TRAF3IP2: variants seen among roughly 807,000 people sequenced by gnomAD.
The protein encoded by TRAF3IP2 is TRAF3 interacting protein 2, also known as E3 ubiquitin ligase TRAF3IP2.
A neutral mutation model predicts 57.9 loss-of-function variants in TRAF3IP2; 35 were observed. The observed-to-expected ratio is 0.60, with a 90% CI of 0.46 to 0.80. The LOEUF is 0.80. Ranked by LOEUF, TRAF3IP2 falls within the 30% of genes least tolerant of loss-of-function variation. TRAF3IP2 has a pLI of 0.00. For missense variants in TRAF3IP2, 556 were observed against 706.4 expected (o/e 0.79, Z 2.41); for synonymous variants, 251 against 268.9 (o/e 0.93, Z 0.65).
rs770211356 is a variant in TRAF3IP2, at chr6:111,591,588, A to G, written c.499T>C (p.Ser167Pro). The change falls in exon 2 of 9, where the codon TCA becomes CCA. Residue 167 changes from serine to proline, a missense_variant. Coordinates refer to ENST00000368761, the MANE Select transcript of TRAF3IP2 (RefSeq NM_147686.4). The surrounding 1 kb of genome is among the most constrained non-coding windows in gnomAD (Gnocchi z 4.9). ...TGGCTACCGCCCAAGGAGTCTGCTG[A>G]GGCATTAGGTAAACTTTGGTCTGAT... Reference protein sequence around the residue: ...DKSDQSLPNASADSLGGSQEM... With the variant: ...DKSDQSLPNAPADSLGGSQEM... 1.9e-6 allele frequency: 3 copies of G among 1,614,184 alleles called. No individual in the cohort carries two copies. Among genetic ancestry groups the G allele is most frequent in the Non-Finnish European group, 2.5e-6 (3 of 1,180,016 alleles).
intron 1 of TRAF3IP2, among the ~76,000 whole-genome samples, chr6:111,595,690 T>C (rs1303536445): frequency 3.3e-5 from 5 of 152,028 alleles, no homozygotes; most frequent in African/African-American, 4.8e-5. Context: ...TAGCCGGGCA[T>C]GATGGCAGGC....
chr6:111,604,913 G>A (rs74540917), intron 1 of TRAF3IP2, among the ~76,000 whole-genome samples: 6,586 of 152,086 alleles, frequency 0.043, 496 homozygotes, highest in African/African-American at 0.15. Flanking sequence ...TTTTATAAGG[G>A]AATTTGACAC....
rs35611810 is a variant in TRAF3IP2 at position 111,605,087 on chromosome 6, T to TAA, written c.-9+687_-9+688dup. Among the ~76,000 whole-genome samples, 604 of 148,420 alleles carry TAA rather than the reference T, an allele frequency of 4.1e-3. 6 individuals are homozygous for TAA. The highest frequency in any genetic ancestry group is 0.031 in the East Asian group (160 of 5,084). On this transcript the variant is annotated intron_variant, in intron 1 of 8. Coordinates refer to ENST00000368761, the MANE Select transcript of TRAF3IP2 (RefSeq NM_147686.4). ...TTGGCCTCTTGTTCTCCTGTTCCTT[T>TAA]AAAAAAAAAAAAATCCCCCTATTCT...
chr6:111,582,296 C>T (rs1402606371), intron 2 of TRAF3IP2, among the ~76,000 whole-genome samples: 1 of 152,210 alleles, frequency 6.6e-6, no homozygotes, highest in Non-Finnish European at 1.5e-5. Flanking sequence ...GACCATGCCC[C>T]TCCATCCCAG....
At chr6:111,568,119 T>C (rs551549780) in intron 5 of TRAF3IP2, among the ~76,000 whole-genome samples, 33 of 152,302 alleles carry the variant, frequency 2.2e-4, no homozygotes, top group African/African-American at 7.2e-4. Context: ...TGAGATACAA[T>C]TGTGGTGCTT....
Position 111,556,758 on chromosome 6 carries a change from T to A in TRAF3IP2, c.*2647A>T. 1 of 152,338 alleles carries A rather than the reference T, an allele frequency of 6.6e-6. No homozygotes were observed. Among genetic ancestry groups the A allele is most frequent in the Admixed American group, 6.5e-5 (1 of 15,304 alleles). 9.4% of individuals were successfully genotyped at this position (152,338 alleles called of 1,614,324 possible). A position where few individuals can be genotyped will look rare whatever the true frequency, so the allele number is the denominator to read the frequency against. Reference sequence around the variant, plus strand: ...TAAGTTATAAAGTAAATGAAACTAGTGTTCTTTGCAATGCATTAGCAATGT... The same window carrying A: ...TAAGTTATAAAGTAAATGAAACTAGAGTTCTTTGCAATGCATTAGCAATGT... On this transcript the variant is annotated 3_prime_UTR_variant, in exon 9 of 9. Coordinates refer to ENST00000368761, the MANE Select transcript of TRAF3IP2 (RefSeq NM_147686.4).
intron 1 of TRAF3IP2, among the ~76,000 whole-genome samples, chr6:111,603,547 C>T (rs1457643521): frequency 6.6e-6 from 1 of 152,130 alleles, no homozygotes. Flanking sequence ...CAGGATATTC[C>T]TGAGATTTCC....
At chr6:111,560,415 G>A (rs185213526) in intron 8 of TRAF3IP2, among the ~76,000 whole-genome samples, 2 of 152,274 alleles carry the variant, frequency 1.3e-5, no homozygotes, top group African/African-American at 2.4e-5. Context: ...GGGCTGTATC[G>A]GATAGTGCCC....
chr6:111,595,460 T>C (rs1796652229), intron 1 of TRAF3IP2, among the ~76,000 whole-genome samples: 1 of 152,220 alleles, frequency 6.6e-6, no homozygotes, highest in African/African-American at 2.4e-5. Flanking sequence ...GTATCCCCCT[T>C]CTGACTATAC....
intron 1 of TRAF3IP2, among the ~76,000 whole-genome samples, chr6:111,598,604 T>C (rs1796768350): frequency 6.6e-6 from 1 of 152,202 alleles, no homozygotes; most frequent in South Asian, 2.1e-4. Context: ...CCATCATTTG[T>C]ATGATATAAG....
intron 2 of TRAF3IP2, among the ~76,000 whole-genome samples, chr6:111,583,654 T>G (rs2128379113): frequency 6.6e-6 from 1 of 152,298 alleles, no homozygotes; most frequent in South Asian, 2.1e-4. Flanking sequence ...TGATTCTACA[T>G]TATAATGAGT....
chr6:111,587,316 C>T (rs947193918), intron 2 of TRAF3IP2, among the ~76,000 whole-genome samples: 19 of 152,028 alleles, frequency 1.2e-4, no homozygotes, highest in South Asian at 2.1e-4. Flanking sequence ...AGTGCAGTGG[C>T]GCGATCTCAG....
chr6:111,580,202 C>G lies in TRAF3IP2; in HGVS notation c.1017G>C (p.Arg339Ser). 1 of 1,613,920 alleles carries G rather than the reference C, an allele frequency of 6.2e-7. No individual in the cohort carries two copies. Among genetic ancestry groups the G allele is most frequent in the South Asian group, 1.1e-5 (1 of 91,056 alleles). Reference sequence around the variant, plus strand: ...GTTGGGCCTGTCATACTTACTGGTGCCTTGGAAGCCCCGGAAAGGAGCAGT... The same window carrying G: ...GTTGGGCCTGTCATACTTACTGGTGGCTTGGAAGCCCCGGAAAGGAGCAGT... ...QRDCSFPGLP[R>S]HQDQPHHQPP... The change falls in exon 3 of 9, where the codon AGG (arginine) becomes AGC (serine). Residue 339 changes from arginine to serine, a missense_variant. By Grantham distance (110) the Arg-to-Ser change is moderately radical. Around this residue, in one of 2 missense-constraint regions of TRAF3IP2, gnomAD observed 428 missense variants for 498.7 expected, o/e 0.86. Coordinates refer to ENST00000368761, the MANE Select transcript of TRAF3IP2 (RefSeq NM_147686.4).
rs1365805819 is a variant in TRAF3IP2, at chr6:111,559,076, C to T, written c.*329G>A. The T allele has an allele frequency of 4.3e-6, 1 of 232,824 alleles. No homozygotes were observed. Among genetic ancestry groups the T allele is most frequent in the Non-Finnish European group, 8.3e-6 (1 of 120,248 alleles). The allele number at this position is 232,824 out of a possible 1,614,324, so 14.4% of individuals were successfully genotyped here. Reference sequence around the variant, plus strand: ...TTGTAGTCATTTCCATTTGCTGCCACATCCCTTACATTATCTACTTGCTAA... The same window carrying T: ...TTGTAGTCATTTCCATTTGCTGCCATATCCCTTACATTATCTACTTGCTAA... On this transcript the variant is annotated 3_prime_UTR_variant, in exon 9 of 9. Coordinates refer to ENST00000368761, the MANE Select transcript of TRAF3IP2 (RefSeq NM_147686.4).
chr6:111,593,005 G>T (rs769277352), intron 1 of TRAF3IP2, among the ~76,000 whole-genome samples: 15 of 152,120 alleles, frequency 9.9e-5, no homozygotes, highest in Non-Finnish European at 1.9e-4. Context: ...GCTGTAAGAA[G>T]AACTCTTAAT....
At position 111,566,508 on chromosome 6, in the gene TRAF3IP2, T is replaced by C; in HGVS notation, c.1412A>G (p.Glu471Gly). Residue 471 changes from glutamate to glycine, a missense_variant, in exon 7 of 9, where the codon GAA becomes GGA. By Grantham distance (98) the Glu-to-Gly change is moderately conservative (BLOSUM62 -2). Around this residue, in one of 2 missense-constraint regions of TRAF3IP2, gnomAD observed 128 missense variants for 207.7 expected, o/e 0.62. Coordinates refer to ENST00000368761, the MANE Select transcript of TRAF3IP2 (RefSeq NM_147686.4). The part of the protein sequence containing the change: ...AISPKYKQDV[E>G]GAESQLDEDE... ...CTCGTCCAGCTGCGACTCAGCGCCT[T>C]CCACGTCCTGTTTGTATTTGGGGCT... is the stretch of plus-strand genomic sequence containing the variant. 2.5e-6 allele frequency: 4 copies of C among 1,614,174 alleles called. No homozygotes were observed.
At chr6:111,569,095 A>G (rs1428115891) in intron 5 of TRAF3IP2, among the ~76,000 whole-genome samples, 1 of 152,210 alleles carries the variant, frequency 6.6e-6, no homozygotes, top group African/African-American at 2.4e-5. Flanking sequence ...TCTTTACATG[A>G]AAAATGGAAT....
intron 1 of TRAF3IP2, among the ~76,000 whole-genome samples, chr6:111,595,405 A>G (rs532521606): frequency 1.3e-5 from 2 of 152,384 alleles, no homozygotes; most frequent in Non-Finnish European, 2.9e-5. Flanking sequence ...TACTCAAAAC[A>G]GCAGATAATT....
Position 111,556,652 on chromosome 6 carries a change from G to T in TRAF3IP2, c.*2753C>A, listed in dbSNP as rs1453026832. 6.6e-6 allele frequency: 1 copy of T among 152,186 alleles called. No homozygotes were observed. The highest frequency in any genetic ancestry group is 1.5e-5 in the Non-Finnish European group (1 of 68,030). 9.4% of individuals were successfully genotyped at this position (152,186 alleles called of 1,614,324 possible). A position where few individuals can be genotyped will look rare whatever the true frequency, so the allele number is the denominator to read the frequency against. ...TTACATGTCAGAAAGTCTTACAAAT[G>T]AGTACTTATGTTATGCTAGTTTTTC... On this transcript the variant is annotated 3_prime_UTR_variant, in exon 9 of 9. Coordinates refer to ENST00000368761, the MANE Select transcript of TRAF3IP2 (RefSeq NM_147686.4).
Sources: allele counts gnomAD v4.1 joint callset (sites outside exome capture counted in the v4.1 genomes callset), GRCh38; gene constraint gnomAD v4.1.1; regional missense constraint gnomAD v4.1.1; non-coding constraint Gnocchi (gnomAD v3.1); transcripts MANE v1.5; gene names NCBI Gene and HGNC (gene_info 2026-07-23, HGNC 2026-07-21).